The following ANKZF1 variants were observed in gnomAD, a reference collection of about 807,000 sequenced individuals.
ANKZF1 encodes ankyrin repeat and zinc finger peptidyl tRNA hydrolase 1, also known as tRNA endonuclease ANKZF1.
ANKZF1 carries 84 observed loss-of-function variants against 86.0 expected under a neutral mutation model. That is an observed-to-expected ratio of 0.98 (90% CI 0.82 to 1.17). The LOEUF is 1.17. Ranked by LOEUF, ANKZF1 falls within the 50% of genes most tolerant of loss-of-function variation. ANKZF1 has a pLI of 0.00. For missense variants in ANKZF1, 893 were observed against 918.4 expected (o/e 0.97, Z 0.36); for synonymous variants, 331 against 354.2 (o/e 0.93, Z 0.74).
At chr2:219,234,755 C>T (rs936994466) in intron 9 of ANKZF1, 71 bp from the exon 10 acceptor site, 1 of 1,511,906 alleles carries the variant, frequency 6.6e-7, no homozygotes, top group South Asian at 1.3e-5. Flanking sequence ...TTCAGGCTTT[C>T]ATTCTTATGC....
At position 219,233,953 on chromosome 2, in the gene ANKZF1, T is replaced by C; in HGVS notation, c.1048+10T>C. On this transcript the variant is annotated intron_variant, in intron 8 of 13. Transcript: ENST00000323348. ...ACTTTGCATGTCTATGGTGAGCCTT[T>C]GCTCCAGATCCCAATTCCCTAGACC... The C allele has an allele frequency of 6.4e-7, 1 of 1,557,442 alleles. No homozygotes were observed. The highest frequency in any genetic ancestry group is 8.7e-7 in the Non-Finnish European group (1 of 1,154,106).
chr2:219,236,376 C>A lies in ANKZF1; in HGVS notation c.2112C>A (p.Leu704=). The part of the protein sequence containing the change: ...SLQGLTPFHY[L]DFSFCSTRCL... ...AAGGCCTGACTCCCTTTCACTACCT[C>A]GACTTCTCTTTCTGCTCCACACGTT... Residue 704 remains leucine, a synonymous_variant, in exon 14 of 14, where the codon CTC becomes CTA. Coordinates refer to ENST00000323348, the MANE Select transcript of ANKZF1 (RefSeq NM_018089.3). 1 of 1,614,114 alleles carries A rather than the reference C, an allele frequency of 6.2e-7. No individual in the cohort carries two copies. The highest frequency in any genetic ancestry group is 8.5e-7 in the Non-Finnish European group (1 of 1,180,006).
chr2:219,233,450 AGATCTGGTGGTACT>A lies in ANKZF1; in HGVS notation c.819+22_819+35del, dbSNP rs769408548. 2.5e-6 allele frequency: 4 copies of A among 1,594,790 alleles called. No homozygotes were observed. The highest frequency in any genetic ancestry group is 1.7e-4 in the Middle Eastern group (1 of 5,978). ...CTATATAAGGTGAGTTAAGCCTTTT[AGATCTGGTGGTACT>A]GATCCATACTTTTTTTGCATCTCTG... On this transcript the variant is annotated intron_variant, in intron 7 of 13. Coordinates refer to ENST00000323348, the MANE Select transcript of ANKZF1 (RefSeq NM_018089.3).
chr2:219,230,279 G>T lies in ANKZF1; in HGVS notation c.22G>T (p.Ala8Ser). ...AGCCATGTCGCCGGCTCCAGATGCA[G>T]CCCCGGCTCCTGCGTCGATCTCCCT... MSPAPDA[A>S]PAPASISLFD... is the part of the protein sequence containing the mutation. The change falls in exon 2 of 14, where the codon GCC becomes TCC. Residue 8 changes from alanine (A) to serine (S), a missense_variant. Ala to Ser is a moderately conservative substitution (Grantham distance 99). Coordinates refer to ENST00000323348, the MANE Select transcript of ANKZF1 (RefSeq NM_018089.3). 6.2e-7 allele frequency: 1 copy of T among 1,613,792 alleles called. No homozygotes were observed. Among genetic ancestry groups the T allele is most frequent in the Non-Finnish European group, 8.5e-7 (1 of 1,179,784 alleles).
At chr2:219,234,108 A>G in intron 8 of ANKZF1, 25 bp from the exon 9 acceptor site, 3 of 1,602,738 alleles carry the variant, frequency 1.9e-6, no homozygotes, top group Admixed American at 3.5e-5. Context: ...GCTAAGGTTG[A>G]GAAAGATCTT....
At position 219,232,035 on chromosome 2, in the gene ANKZF1, G is replaced by A. The variant is rs200470547; in HGVS notation, c.256G>A (p.Glu86Lys). 3.1e-4 allele frequency: 505 copies of A among 1,604,116 alleles called. 2 individuals carry two copies. The African/African-American group carries it at 6.4e-3, about 20-fold the overall frequency. The change falls in exon 3 of 14, where the codon GAA becomes AAA. Residue 86 changes from glutamate (E) to lysine (K), a missense_variant. Coordinates refer to ENST00000323348, the MANE Select transcript of ANKZF1 (RefSeq NM_018089.3). Reference sequence around the variant, plus strand: ...TGACCAGACCTTCCAGAACCACCAAGAACAGGTAATAGGTCAGGTGCAGAG... The same window carrying A: ...TGACCAGACCTTCCAGAACCACCAAAAACAGGTAATAGGTCAGGTGCAGAG... ...TCDQTFQNHQ[E>K]QREHYKLDWH... is the part of the protein sequence containing the mutation.
Position 219,231,924 on chromosome 2 carries a change from T to C in ANKZF1, c.149-4T>C. On this transcript the variant is annotated splice_polypyrimidine_tract_variant and splice_region_variant and intron_variant, in intron 2 of 13. Coordinates refer to ENST00000323348, the MANE Select transcript of ANKZF1 (RefSeq NM_018089.3). The stretch of plus-strand genomic sequence containing the variant: ...CTATGTCCAATTCCTCTTCCCTTAT[T>C]TAGGCTCAGGGGAGAGAGAAAGCCC... 6.2e-7 allele frequency: 1 copy of C among 1,612,010 alleles called. No homozygotes were observed. The highest frequency in any genetic ancestry group is 1.1e-5 in the South Asian group (1 of 91,034).
intron 2 of ANKZF1, chr2:219,230,620 C>T (rs750196320): frequency 1.9e-5 from 9 of 475,956 alleles, no homozygotes; most frequent in Non-Finnish European, 3.2e-5. Context: ...CACGTTAACA[C>T]CATTCCCTTC....
Position 219,230,394 on chromosome 2 carries a change from C to G in ANKZF1, c.137C>G (p.Thr46Ser). The G allele has an allele frequency of 6.2e-7, 1 of 1,609,396 alleles. No homozygotes were observed. Among genetic ancestry groups the G allele is most frequent in the Non-Finnish European group, 8.5e-7 (1 of 1,176,586 alleles). Residue 46 changes from threonine (T) to serine (S), a missense_variant, in exon 2 of 14, where the codon ACT (threonine) becomes AGT (serine). Coordinates refer to ENST00000323348, the MANE Select transcript of ANKZF1 (RefSeq NM_018089.3). ...GAGGCTCTGGCCCGGGCTCCGCGTA[C>G]TTCCTGTTCAGGTATCCTGGAAGGT... is the stretch of plus-strand genomic sequence containing the variant. ...PGEALARAPR[T>S]SCSGSGERES...
intron 1 of ANKZF1, 162 bp downstream of exon 1, chr2:219,230,062 G>C: frequency 1.8e-6 from 1 of 541,978 alleles, no homozygotes; most frequent in Non-Finnish European, 3.2e-6. Context: ...CTGAGACTGG[G>C]GGTTTGAGAA....
chr2:219,231,482 C>G, intron 2 of ANKZF1: 1 of 162,406 alleles, frequency 6.2e-6, no homozygotes, highest in Non-Finnish European at 1.3e-5. Context: ...GCAAGCTCCG[C>G]CTCCCCGGTT....
In ANKZF1 at chr2:219,236,604, G is replaced by A; in HGVS notation, c.*159G>A. ...AAAGACAGGGCTAGAGGTATGTGGA[G>A]CTGGTACTGTCTCTGGAATTTTAAT... On this transcript the variant is annotated 3_prime_UTR_variant, in exon 14 of 14. Coordinates refer to ENST00000323348, the MANE Select transcript of ANKZF1 (RefSeq NM_018089.3). 4 of 926,474 alleles carry A rather than the reference G, an allele frequency of 4.3e-6. No homozygotes were observed. In the South Asian group the frequency reaches 7.3e-5, roughly 17 times the overall value. 57.4% of individuals were successfully genotyped at this position (926,474 alleles called of 1,614,324 possible).
chr2:219,235,374 G>T (rs755327242), intron 10 of ANKZF1, 62 bp downstream of exon 10: 16 of 1,595,868 alleles, frequency 1.0e-5, no homozygotes, highest in Non-Finnish European at 1.2e-5. Flanking sequence ...GGAGGTTAAA[G>T]TTGGCATTGG....
Position 219,236,471 on chromosome 2 carries a change from A to T in ANKZF1, c.*26A>T. The T allele has an allele frequency of 6.5e-7, 1 of 1,546,474 alleles. No individual in the cohort carries two copies. Among genetic ancestry groups the T allele is most frequent in the Non-Finnish European group, 8.7e-7 (1 of 1,147,044 alleles). Reference sequence around the variant, plus strand: ...TCTCTTACAGCTCTACCTGGGGCCAACTCAGGGACCTGAGAGGGCACATTC... The same window carrying T: ...TCTCTTACAGCTCTACCTGGGGCCATCTCAGGGACCTGAGAGGGCACATTC... On this transcript the variant is annotated 3_prime_UTR_variant, in exon 14 of 14. Transcript: ENST00000323348.
Position 219,234,869 on chromosome 2 carries a change from G to A in ANKZF1, c.1248G>A (p.Glu416=), listed in dbSNP as rs1951156837. The A allele has an allele frequency of 1.2e-6, 2 of 1,613,934 alleles. No homozygotes were observed. Among genetic ancestry groups the A allele is most frequent in the Non-Finnish European group, 1.7e-6 (2 of 1,179,986 alleles). Residue 416 remains glutamate, a synonymous_variant, in exon 10 of 14, where the codon GAG becomes GAA. Transcript: ENST00000323348. ...EGEDGFQVEL[E]LVELTVGTLD... ...AAGATGGCTTTCAGGTAGAGTTGGA[G>A]CTAGTGGAGTTGACTGTGGGGACTC...
Position 219,231,768 on chromosome 2 carries a change from CTGTT to C in ANKZF1, c.149-158_149-155del, listed in dbSNP as rs1460676771. ...TTTATTGCATTAAGTGATTGCTGTA[CTGTT>C]TATTTCATGACTATTAGAGTGTAAA... On this transcript the variant is annotated intron_variant, in intron 2 of 13. Transcript: ENST00000323348. 6 of 613,774 alleles carry C rather than the reference CTGTT, an allele frequency of 9.8e-6. No homozygotes were observed. The Admixed American group carries it at 1.5e-4, about 15-fold the overall frequency. 38.0% of individuals were successfully genotyped at this position (613,774 alleles called of 1,614,324 possible). A position where few individuals can be genotyped will look rare whatever the true frequency, so the allele number is the denominator to read the frequency against.
Position 219,235,042 on chromosome 2 carries a change from C to A in ANKZF1, c.1421C>A (p.Ala474Glu), listed in dbSNP as rs1237938079. 6.2e-7 allele frequency: 1 copy of A among 1,614,128 alleles called. No homozygotes were observed. Among genetic ancestry groups the A allele is most frequent in the Non-Finnish European group, 8.5e-7 (1 of 1,180,060 alleles). ...EEEPSTQSSQ[A>E]VAAPLGPLLD... Reference sequence around the variant, plus strand: ...GAGCCTTCCACACAGTCATCCCAGGCAGTTGCTGCCCCCTTGGGCCCTTTG... The same window carrying A: ...GAGCCTTCCACACAGTCATCCCAGGAAGTTGCTGCCCCCTTGGGCCCTTTG... Residue 474 changes from alanine to glutamate, a missense_variant, in exon 10 of 14, where the codon GCA (alanine) becomes GAA (glutamate). Coordinates refer to ENST00000323348, the MANE Select transcript of ANKZF1 (RefSeq NM_018089.3).
chr2:219,230,059 T>G (rs564163994), intron 1 of ANKZF1, 159 bp downstream of exon 1: 7 of 536,902 alleles, frequency 1.3e-5, no homozygotes, highest in East Asian at 9.8e-5. Context: ...GGGCTGAGAC[T>G]GGGGGTTTGA....
At position 219,233,265 on chromosome 2, in the gene ANKZF1, C is replaced by G. The variant is rs371880950; in HGVS notation, c.672-21C>G. On this transcript the variant is annotated intron_variant, in intron 6 of 13. Coordinates refer to ENST00000323348, the MANE Select transcript of ANKZF1 (RefSeq NM_018089.3). ...AGGGAGCACCAGCTGGTCTCCAGTA[C>G]TGAGTCTGTGCTGTCTACAGAAGAG... The G allele has an allele frequency of 2.5e-6, 4 of 1,614,108 alleles. No homozygotes were observed. The African/African-American group carries it at 5.3e-5, about 22-fold the overall frequency.
Sources: gnomAD v4.1 joint callset for allele counts on GRCh38, gnomAD v4.1.1 for gene constraint, MANE v1.5 for transcripts, NCBI Gene and HGNC (gene_info 2026-07-23, HGNC 2026-07-21) for gene names.